Variants in SPOCK1 observed in about 807,000 individuals in gnomAD.
SPOCK1 encodes SPARC (osteonectin), cwcv and kazal like domains proteoglycan 1.
A neutral mutation model predicts 55.3 loss-of-function variants in SPOCK1; 23 were observed. That is an observed-to-expected ratio of 0.42 (90% CI 0.30 to 0.59). SPOCK1 has a LOEUF of 0.59. SPOCK1 is among the 20% of genes least tolerant of loss of function. The pLI, the probability that SPOCK1 is intolerant of heterozygous loss-of-function variation, is 0.22. For missense variants in SPOCK1, 499 were observed against 552.5 expected (o/e 0.90, Z 0.97); for synonymous variants, 226 against 221.0 (o/e 1.02, Z -0.20).
At position 137,051,108 on chromosome 5, in the gene SPOCK1, G is replaced by A. The variant is rs555672036; in HGVS notation, c.589+16607C>T. Among the ~76,000 whole-genome samples, 22 of 152,228 alleles carry A rather than the reference G, an allele frequency of 1.4e-4. No individual in the cohort carries two copies. The South Asian group carries it at 1.5e-3, about 10-fold the overall frequency. On this transcript the variant is annotated intron_variant, in intron 6 of 10. Transcript: ENST00000394945. ...TACCCATGAAAAAATATGAAAAAGC[G>A]GATAACTTGTTAGGTGAAAAATGAA...
At chr5:137,343,172 G>A (rs759421734) in intron 2 of SPOCK1, among the ~76,000 whole-genome samples, 13 of 152,226 alleles carry the variant, frequency 8.5e-5, no homozygotes, top group Non-Finnish European at 1.8e-4. Flanking sequence ...GTCACAAAGG[G>A]GAGGTCTGGG....
intron 2 of SPOCK1, among the ~76,000 whole-genome samples, chr5:137,489,901 C>T (rs1421919357): frequency 6.6e-6 from 1 of 152,224 alleles, no homozygotes; most frequent in African/African-American, 2.4e-5. Flanking sequence ...GAAGCAGTCC[C>T]CAGCCAAAAA....
At chr5:137,157,014 G>A (rs1462822917) in intron 3 of SPOCK1, among the ~76,000 whole-genome samples, 1 of 152,004 alleles carries the variant, frequency 6.6e-6, no homozygotes, top group Non-Finnish European at 1.5e-5. Flanking sequence ...GAAAGATATG[G>A]CCACACTTGG....
intron 2 of SPOCK1, among the ~76,000 whole-genome samples, chr5:137,377,183 T>C (rs1478422487): frequency 1.3e-5 from 2 of 152,214 alleles, no homozygotes; most frequent in East Asian, 3.8e-4. Flanking sequence ...ATAGGAGAGA[T>C]GAAGGTATGC....
At chr5:137,105,876 G>A (rs1440785110) in intron 5 of SPOCK1, among the ~76,000 whole-genome samples, 1 of 152,196 alleles carries the variant, frequency 6.6e-6, no homozygotes, top group Non-Finnish European at 1.5e-5. Flanking sequence ...AGGGGGAGGG[G>A]AGTGACAGCA....
chr5:137,398,438 T>G (rs142316905), intron 2 of SPOCK1, among the ~76,000 whole-genome samples: 2 of 152,262 alleles, frequency 1.3e-5, no homozygotes, highest in Admixed American at 1.3e-4. Context: ...AAGCAATGTA[T>G]CTGGCCTTGG....
chr5:137,077,206 G>A (rs978349443), intron 5 of SPOCK1, among the ~76,000 whole-genome samples: 1 of 152,252 alleles, frequency 6.6e-6, no homozygotes, highest in African/African-American at 2.4e-5. Context: ...TTACAGGCGT[G>A]AGCCACCGCG....
chr5:137,419,663 CTT>C (rs1238758093), intron 2 of SPOCK1, among the ~76,000 whole-genome samples: 1 of 152,180 alleles, frequency 6.6e-6, no homozygotes. Flanking sequence ...TATCCTGAGA[CTT>C]TGCTGAAGTT....
Position 137,160,609 on chromosome 5 carries a change from T to C in SPOCK1, c.233-19915A>G, listed in dbSNP as rs1293060753. On this transcript the variant is annotated intron_variant, in intron 3 of 10. Coordinates refer to ENST00000394945, the MANE Select transcript of SPOCK1 (RefSeq NM_004598.4). ...ATAATATATAATATATTATATATAATATATAATATATATTTTATATAATAT... is the reference window on the plus strand; with the variant it reads ...ATAATATATAATATATTATATATAACATATAATATATATTTTATATAATAT... Among the ~76,000 whole-genome samples the C allele has an allele frequency of 2.9e-3, 239 of 82,546 alleles. 9 individuals are homozygous for C. The highest frequency in any genetic ancestry group is 0.011 in the African/African-American group (224 of 20,988). 54.2% of individuals were successfully genotyped at this position (82,546 alleles called of 152,430 possible). A position where few individuals can be genotyped will look rare whatever the true frequency, so the allele number is the denominator to read the frequency against.
At chr5:137,215,803 T>C (rs1309811203) in intron 3 of SPOCK1, among the ~76,000 whole-genome samples, 4 of 152,176 alleles carry the variant, frequency 2.6e-5, no homozygotes, top group Non-Finnish European at 2.9e-5. Context: ...TAACTGCACA[T>C]TTTTGATCTG....
At chr5:137,014,970 T>G (rs1189164244) in intron 6 of SPOCK1, among the ~76,000 whole-genome samples, 1 of 152,182 alleles carries the variant, frequency 6.6e-6, no homozygotes, top group African/African-American at 2.4e-5. Context: ...CCAGAACAGA[T>G]AGATTCTCTC....
intron 3 of SPOCK1, among the ~76,000 whole-genome samples, chr5:137,148,930 C>T (rs568615989): frequency 6.6e-6 from 1 of 152,152 alleles, no homozygotes; most frequent in Admixed American, 6.5e-5. Flanking sequence ...GTATCACACC[C>T]CTCTGTCCAC....
At chr5:137,102,093 T>C (rs576230426) in intron 5 of SPOCK1, among the ~76,000 whole-genome samples, 1 of 152,288 alleles carries the variant, frequency 6.6e-6, no homozygotes, top group South Asian at 2.1e-4. Context: ...CTGGGTGGTA[T>C]ACTACTTATT....
chr5:137,488,334 G>A (rs545207783), intron 2 of SPOCK1, among the ~76,000 whole-genome samples: 7 of 152,104 alleles, frequency 4.6e-5, no homozygotes, highest in South Asian at 2.1e-4. Context: ...CTGAGATCGC[G>A]CCACTGCACT....
At chr5:137,059,725 A>G (rs1389001194) in intron 6 of SPOCK1, among the ~76,000 whole-genome samples, 2 of 152,252 alleles carry the variant, frequency 1.3e-5, no homozygotes, top group African/African-American at 2.4e-5. Context: ...AAGGTCTGAT[A>G]GCCAGAATCT....
chr5:137,073,519 T>C (rs74959141), intron 5 of SPOCK1, among the ~76,000 whole-genome samples: 5 of 152,310 alleles, frequency 3.3e-5, no homozygotes, highest in Non-Finnish European at 7.3e-5. Context: ...GTGGAACCGA[T>C]GGTTGGCCTG....
intron 3 of SPOCK1, among the ~76,000 whole-genome samples, chr5:137,257,437 C>G (rs1056389910): frequency 6.6e-6 from 1 of 150,872 alleles, no homozygotes; most frequent in African/African-American, 2.4e-5. Context: ...AGTTCTCGAG[C>G]TCTCTTTCCC....
intron 2 of SPOCK1, among the ~76,000 whole-genome samples, chr5:137,399,626 C>T (rs1751932682): frequency 6.6e-6 from 1 of 152,086 alleles, no homozygotes; most frequent in African/African-American, 2.4e-5. Context: ...TATGGGTGAA[C>T]CCCAAAGACC....
intron 5 of SPOCK1, among the ~76,000 whole-genome samples, chr5:137,072,589 T>C (rs1169682640): frequency 6.6e-6 from 1 of 152,232 alleles, no homozygotes; most frequent in Non-Finnish European, 1.5e-5. Context: ...AATGAGTGAA[T>C]ATTTTCCGTA....
Sources: gnomAD v4.1 joint callset for allele counts (sites outside exome capture counted in the v4.1 genomes callset) on GRCh38, gnomAD v4.1.1 for gene constraint, MANE v1.5 for transcripts, NCBI Gene and HGNC (gene_info 2026-07-23, HGNC 2026-07-21) for gene names.